Variants in MRM1 observed in about 807,000 individuals in gnomAD.
MRM1 encodes rRNA methyltransferase 1, mitochondrial.
MRM1 carries 24 observed loss-of-function variants against 25.0 expected under a neutral mutation model. The ratio of observed to expected loss-of-function variants is 0.96; its 90% confidence interval spans 0.69 to 1.35. The LOEUF is 1.35. Ranked by LOEUF, MRM1 falls within the 40% of genes most tolerant of loss-of-function variation. The pLI is 0.00. For missense variants in MRM1, 431 were observed against 464.1 expected (o/e 0.93, Z 0.65); for synonymous variants, 188 against 199.2 (o/e 0.94, Z 0.47).
the MRM1 span, among the ~76,000 whole-genome samples, chr17:36,630,735 G>T: frequency 1.7e-3 from 262 of 152,286 alleles, 2 homozygotes; most frequent in African/African-American, 6.1e-3. Flanking sequence ...CGAATGGTTC[G>T]CTAGAGACAT....
the MRM1 span, among the ~76,000 whole-genome samples, chr17:36,632,928 G>T: frequency 2.4e-4 from 36 of 152,346 alleles, no homozygotes; most frequent in South Asian, 7.5e-3. Flanking sequence ...CCGTAAAATG[G>T]CTGTGAATAG....
Position 36,601,605 on chromosome 17 carries a change from C to A in MRM1, c.-206C>A. The A allele has an allele frequency of 2.0e-6, 1 of 490,342 alleles. No homozygotes were observed. Among genetic ancestry groups the A allele is most frequent in the Non-Finnish European group, 3.5e-6 (1 of 289,044 alleles). 30.4% of individuals were successfully genotyped at this position (490,342 alleles called of 1,614,324 possible). A position where few individuals can be genotyped will look rare whatever the true frequency, so the allele number is the denominator to read the frequency against. Reference sequence around the variant, plus strand: ...CCCGAACCCGGAAGCGAGGGACCCACGTGGGAGCCTGGGAGCGGGTGGTCG... The same window carrying A: ...CCCGAACCCGGAAGCGAGGGACCCAAGTGGGAGCCTGGGAGCGGGTGGTCG... On this transcript the variant is annotated 5_prime_UTR_variant, in exon 1 of 5. Transcript: ENST00000614766.
intron 2 of MRM1, among the ~76,000 whole-genome samples, chr17:36,604,638 C>G (rs529601460): frequency 2.0e-5 from 3 of 152,044 alleles, no homozygotes; most frequent in African/African-American, 7.2e-5. Context: ...AACACCATCT[C>G]TACTAAAAAT....
At chr17:36,603,469 T>C (rs2142834244) in intron 2 of MRM1, among the ~76,000 whole-genome samples, 1 of 152,302 alleles carries the variant, frequency 6.6e-6, no homozygotes, top group South Asian at 2.1e-4. Flanking sequence ...TGGTGCAATA[T>C]TGGCTCACTG....
At chr17:36,632,699 A>G in the MRM1 span, among the ~76,000 whole-genome samples, 2 of 152,180 alleles carry the variant, frequency 1.3e-5, no homozygotes, top group African/African-American at 4.8e-5. Flanking sequence ...AGTTGGAGAT[A>G]TGGTGTGAGC....
the MRM1 span, among the ~76,000 whole-genome samples, chr17:36,616,602 G>A: frequency 6.6e-6 from 1 of 152,224 alleles, no homozygotes; most frequent in East Asian, 1.9e-4. Flanking sequence ...GTGAGTGTGC[G>A]ACCTGGAAGC....
Position 36,602,185 on chromosome 17 carries a change from G to GC in MRM1, c.376dup (p.Leu126ProfsTer48). On this transcript the variant is annotated frameshift_variant, in exon 1 of 5. Coordinates refer to ENST00000614766, the MANE Select transcript of MRM1 (RefSeq NM_024864.5). LOFTEE classifies it high-confidence loss of function. This position sits in a 1 kb window ranked among gnomAD's most constrained non-coding sequence, Gnocchi z 4.1. ...AGGGTGTCTGCATGGAGGTGAGCCC[G>GC]CTGCGGCCCCGGCCTTGGAGAGAGG... is the stretch of plus-strand genomic sequence containing the variant. The GC allele has an allele frequency of 6.2e-7, 1 of 1,610,964 alleles. No individual in the cohort carries two copies. The highest frequency in any genetic ancestry group is 8.5e-7 in the Non-Finnish European group (1 of 1,178,184).
chr17:36,626,455 C>T, the MRM1 span, among the ~76,000 whole-genome samples: 5 of 152,128 alleles, frequency 3.3e-5, no homozygotes, highest in South Asian at 2.1e-4. Context: ...CTCCACCTCC[C>T]GTGTTCAGGT....
In MRM1 at chr17:36,607,979, C is replaced by T; in HGVS notation, c.850C>T (p.Pro284Ser). 1 of 1,614,202 alleles carries T rather than the reference C, an allele frequency of 6.2e-7. No individual in the cohort carries two copies. The highest frequency in any genetic ancestry group is 8.5e-7 in the Non-Finnish European group (1 of 1,180,040). The change falls in exon 4 of 5, where the codon CCT becomes TCT. Residue 284 changes from proline (P) to serine (S), a missense_variant. Transcript: ENST00000614766. ...CACCATCCTGCCCCGGCGCCAGCTG[C>T]CTCCTGGACTTGAGTCCTTGAACGT... ...LLTILPRRQL[P>S]PGLESLNVSV...
rs749142924 is a variant in MRM1, at chr17:36,601,873, CCATGCAGCGCGG to C, written c.68_79del (p.Ala23_His26del). ...GTCGCCTCGTCACCCGTCATTTCTC[CCATGCAGCGCGG>C]CATGGGGAGCGGCCTGGTGGGGAGG... On this transcript the variant is annotated inframe_deletion, in exon 1 of 5. Transcript: ENST00000614766. The C allele has an allele frequency of 4.7e-5, 75 of 1,607,028 alleles. No homozygotes were observed. In the East Asian group the frequency reaches 7.4e-4, roughly 16 times the overall value.
chr17:36,622,770 A>G, the MRM1 span, among the ~76,000 whole-genome samples: 8 of 152,130 alleles, frequency 5.3e-5, no homozygotes, highest in East Asian at 7.7e-4. Context: ...CTGCAGGGGT[A>G]TGGCATGAGG....
intron 2 of MRM1, among the ~76,000 whole-genome samples, chr17:36,606,342 T>C (rs2074927592): frequency 6.6e-6 from 1 of 152,156 alleles, no homozygotes; most frequent in African/African-American, 2.4e-5. Context: ...TATTGACTAA[T>C]TGACTGGATC....
At chr17:36,620,552 G>A in the MRM1 span, among the ~76,000 whole-genome samples, 1 of 152,216 alleles carries the variant, frequency 6.6e-6, no homozygotes, top group Non-Finnish European at 1.5e-5. Context: ...GAGGTAGTGA[G>A]CTCCCTGTCA....
chr17:36,633,841 ATC>A, the MRM1 span, among the ~76,000 whole-genome samples: 2 of 152,090 alleles, frequency 1.3e-5, no homozygotes, highest in African/African-American at 2.4e-5. Flanking sequence ...GCCTCCTTCT[ATC>A]TCTCTGCCTC....
chr17:36,610,401 T>G (rs536132862), downstream of MRM1, among the ~76,000 whole-genome samples: 24 of 151,934 alleles, frequency 1.6e-4, no homozygotes, highest in Non-Finnish European at 3.2e-4. Context: ...CCTGGCTAAT[T>G]TTTTGTGTTT....
chr17:36,626,191 G>C, the MRM1 span, among the ~76,000 whole-genome samples: 1 of 152,152 alleles, frequency 6.6e-6, no homozygotes, highest in Admixed American at 6.5e-5. Flanking sequence ...CATCCTCACC[G>C]CTGGACTTCA....
chr17:36,610,684 C>T (rs1273509304), downstream of MRM1, among the ~76,000 whole-genome samples: 1 of 152,144 alleles, frequency 6.6e-6, no homozygotes, highest in African/African-American at 2.4e-5. Context: ...TGGCCAAGTG[C>T]CTAGTGTAGT....
the MRM1 span, among the ~76,000 whole-genome samples, chr17:36,619,322 G>C: frequency 0.27 from 41,453 of 152,062 alleles, 6,392 homozygotes; most frequent in African/African-American, 0.42. Context: ...TCTGCCTCTT[G>C]GCTTTTTTGA....
the MRM1 span, among the ~76,000 whole-genome samples, chr17:36,627,872 CG>C: frequency 2.6e-5 from 4 of 152,020 alleles, no homozygotes; most frequent in Admixed American, 2.0e-4. Flanking sequence ...GATAGGGTAT[CG>C]CCATGTTGGC....
Sources: gnomAD v4.1 joint callset for allele counts (sites outside exome capture counted in the v4.1 genomes callset) on GRCh38, gnomAD v4.1.1 for gene constraint, Gnocchi (gnomAD v3.1) non-coding constraint, MANE v1.5 for transcripts, NCBI Gene and HGNC (gene_info 2026-07-23, HGNC 2026-07-21) for gene names.